Variants in SNX22 observed in about 807,000 individuals in gnomAD.
SNX22 encodes the protein sorting nexin 22, also known as sorting nexin-22.
SNX22 carries 23 observed loss-of-function variants against 24.7 expected under a neutral mutation model. That is an observed-to-expected ratio of 0.93 (90% CI 0.67 to 1.32). The LOEUF is 1.32. Ranked by LOEUF, SNX22 falls within the 40% of genes most tolerant of loss-of-function variation. The pLI is 0.00. For synonymous variants in SNX22, 99 were observed against 104.0 expected, an observed-to-expected ratio of 0.95 and a Z score of 0.29; for missense variants, 261 against 249.9, an observed-to-expected ratio of 1.04 and a Z score of -0.30.
At chr15:64,153,023 G>A (rs2081498586) in intron 3 of SNX22, 5 of 627,170 alleles carry the variant, frequency 8.0e-6, no homozygotes, top group Non-Finnish European at 1.4e-5. Flanking sequence ...ATGGCATGTA[G>A]GGTGAGGGTC....
At chr15:64,153,171 C>G (rs2081499778) in intron 3 of SNX22, 74 bp from the exon 4 acceptor site, 2 of 1,559,996 alleles carry the variant, frequency 1.3e-6, no homozygotes, top group Non-Finnish European at 1.8e-6. Context: ...ACAAAGAGCC[C>G]TGCATTTTCA....
chr15:64,152,072 C>G (rs940401098), intron 1 of SNX22, 171 bp from the exon 2 acceptor site: 1 of 784,970 alleles, frequency 1.3e-6, no homozygotes, highest in Non-Finnish European at 1.9e-6. Flanking sequence ...GCAGGTCCGC[C>G]AGCCGGTTCT....
rs564988457 is a variant in SNX22 at position 64,154,664 on chromosome 15, C to G, written c.*156C>G. The stretch of plus-strand genomic sequence containing the variant: ...CCCACTCAAGGCTCAGAACTTGGCT[C>G]GCATTGGTAGCTGGAGGTGGTAGAA... On this transcript the variant is annotated 3_prime_UTR_variant, in exon 7 of 7. Coordinates refer to ENST00000325881, the MANE Select transcript of SNX22 (RefSeq NM_024798.3). 1 of 964,776 alleles carries G rather than the reference C, an allele frequency of 1.0e-6. No individual in the cohort carries two copies. The highest frequency in any genetic ancestry group is 1.6e-5 in the African/African-American group (1 of 60,834). 59.8% of individuals were successfully genotyped at this position (964,776 alleles called of 1,614,324 possible).
At position 64,152,271 on chromosome 15, in the gene SNX22, G is replaced by A; in HGVS notation, c.104G>A (p.Gly35Glu). 1 of 1,483,700 alleles carries A rather than the reference G, an allele frequency of 6.7e-7. No individual in the cohort carries two copies. Among genetic ancestry groups the A allele is most frequent in the East Asian group, 2.7e-5 (1 of 36,896 alleles). The allele number at this position is 1,483,700 out of a possible 1,614,324, so 91.9% of individuals were successfully genotyped here. Residue 35 changes from glycine to glutamate, a missense_variant, in exon 2 of 7, where the codon GGG (glycine) becomes GAG (glutamate). Gly to Glu is a moderately conservative substitution (Grantham distance 98). Transcript: ENST00000325881. ...TTCCGAGTGGAGGTGCTGTGCAGCG[G>A]GCGCAGACACACGGTGCCAAGGCGC... ...MVFRVEVLCSGRRHTVPRRYS... is the reference protein window; with the variant it reads ...MVFRVEVLCSERRHTVPRRYS...
rs2081531614 is a variant in SNX22, at chr15:64,156,381, G to A, written c.*1873G>A. On this transcript the variant is annotated 3_prime_UTR_variant, in exon 7 of 7. Transcript: ENST00000325881. This position sits in a 1 kb window ranked among gnomAD's most constrained non-coding sequence, Gnocchi z 6.4. Reference sequence around the variant, plus strand: ...GTAAGACCCAGGTTGGGCCAAGGGTGAGGAGGAGGAAGAGGGTGACCAGGG... The same window carrying A: ...GTAAGACCCAGGTTGGGCCAAGGGTAAGGAGGAGGAAGAGGGTGACCAGGG... The A allele has an allele frequency of 6.2e-6, 4 of 650,088 alleles. No individual in the cohort carries two copies. Among genetic ancestry groups the A allele is most frequent in the South Asian group, 1.8e-5 (1 of 55,388 alleles). The allele number at this position is 650,088 out of a possible 1,614,324, so 40.3% of individuals were successfully genotyped here.
At position 64,156,076 on chromosome 15, in the gene SNX22, C is replaced by T. The variant is rs1408318644; in HGVS notation, c.*1568C>T. ...TCCACCTCGATCTTGCCGCAGTCTG[C>T]GATGATCACATCCTTCAGGGGTTTA... On this transcript the variant is annotated 3_prime_UTR_variant, in exon 7 of 7. Coordinates refer to ENST00000325881, the MANE Select transcript of SNX22 (RefSeq NM_024798.3). This position sits in a 1 kb window ranked among gnomAD's most constrained non-coding sequence, Gnocchi z 6.4. The T allele has an allele frequency of 6.2e-6, 10 of 1,614,052 alleles. No individual in the cohort carries two copies. Among genetic ancestry groups the T allele is most frequent in the South Asian group, 1.1e-5 (1 of 91,080 alleles).
At chr15:64,154,204 ACTT>A (rs2081509718) in intron 6 of SNX22, 180 bp from the exon 7 acceptor site, 1 of 1,575,256 alleles carries the variant, frequency 6.3e-7, no homozygotes, top group Admixed American at 1.9e-5. Context: ...CAGCAGCCTG[ACTT>A]CTTTACCAAG....
rs761972288 is a variant in SNX22 at position 64,156,718 on chromosome 15, A to G, written c.*2210A>G. ...GCCCAGTAGTAGCCCTTGCTTCCAC[A>G]ACTCACCATGCCCTCTAGAACTTTG... is the stretch of plus-strand genomic sequence containing the variant. On this transcript the variant is annotated 3_prime_UTR_variant, in exon 7 of 7. Transcript: ENST00000325881. The surrounding 1 kb of genome is among the most constrained non-coding windows in gnomAD (Gnocchi z 6.4). The G allele has an allele frequency of 1.2e-6, 2 of 1,614,138 alleles. No homozygotes were observed. Among genetic ancestry groups the G allele is most frequent in the South Asian group, 2.2e-5 (2 of 91,074 alleles).
chr15:64,156,904 T>A lies in SNX22; in HGVS notation c.*2396T>A. ...TCGGGGAAGCGCTCACCGTAGATGC[T>A]CTTTCCTGGGAAAAAAGACAGAGCA... On this transcript the variant is annotated 3_prime_UTR_variant, in exon 7 of 7. Coordinates refer to ENST00000325881, the MANE Select transcript of SNX22 (RefSeq NM_024798.3). The surrounding 1 kb of genome is among the most constrained non-coding windows in gnomAD (Gnocchi z 6.4). The A allele has an allele frequency of 6.2e-7, 1 of 1,614,054 alleles. No individual in the cohort carries two copies. Among genetic ancestry groups the A allele is most frequent in the Non-Finnish European group, 8.5e-7 (1 of 1,179,964 alleles).
intron 1 of SNX22, 50 bp downstream of exon 1, chr15:64,151,900 C>T (rs1016499537): frequency 1.3e-6 from 2 of 1,493,780 alleles, no homozygotes; most frequent in Non-Finnish European, 1.8e-6. Flanking sequence ...GCAGGATTTC[C>T]CCGCGCTGCG....
chr15:64,156,248 T>C lies in SNX22; in HGVS notation c.*1740T>C. The C allele has an allele frequency of 6.9e-7, 1 of 1,458,622 alleles. No homozygotes were observed. 90.4% of individuals were successfully genotyped at this position (1,458,622 alleles called of 1,614,324 possible). A position where few individuals can be genotyped will look rare whatever the true frequency, so the allele number is the denominator to read the frequency against. On this transcript the variant is annotated 3_prime_UTR_variant, in exon 7 of 7. Transcript: ENST00000325881. This position sits in a 1 kb window ranked among gnomAD's most constrained non-coding sequence, Gnocchi z 6.4. ...GCTCAGGAGGGCTAAGACCCACAAG[T>C]GATCAACAGCACACAAAACTGGAGG... is the stretch of plus-strand genomic sequence containing the variant.
intron 6 of SNX22, 134 bp from the exon 7 acceptor site, chr15:64,154,253 G>C (rs776567165): frequency 1.9e-6 from 3 of 1,578,342 alleles, no homozygotes; most frequent in Non-Finnish European, 2.6e-6. Flanking sequence ...GAATGCGGAG[G>C]CTTCATTTGG....
In SNX22 at chr15:64,156,302, G is replaced by C; in HGVS notation, c.*1794G>C. 4.1e-6 allele frequency: 4 copies of C among 966,172 alleles called. No individual in the cohort carries two copies. The South Asian group carries it at 5.6e-5, about 13-fold the overall frequency. The allele number at this position is 966,172 out of a possible 1,614,324, so 59.8% of individuals were successfully genotyped here. On this transcript the variant is annotated 3_prime_UTR_variant, in exon 7 of 7. Transcript: ENST00000325881. The surrounding 1 kb of genome is among the most constrained non-coding windows in gnomAD (Gnocchi z 6.4). Reference sequence around the variant, plus strand: ...CAAAATTCTAACAGACTCCTGGCCAGAGCAGGGAGAATGCAGATTTGACGA... The same window carrying C: ...CAAAATTCTAACAGACTCCTGGCCACAGCAGGGAGAATGCAGATTTGACGA...
Position 64,157,099 on chromosome 15 carries a change from T to TGG in SNX22, c.*2594_*2595dup. ...CCAAGCCATGCTGACTGAGGCCAAG[T>TGG]GGGGCATCAGGCCAGGCTGATGTGG... On this transcript the variant is annotated 3_prime_UTR_variant, in exon 7 of 7. Transcript: ENST00000325881. The surrounding 1 kb of genome is among the most constrained non-coding windows in gnomAD (Gnocchi z 4.2). 1 of 624,712 alleles carries TGG rather than the reference T, an allele frequency of 1.6e-6. No individual in the cohort carries two copies. Among genetic ancestry groups the TGG allele is most frequent in the Non-Finnish European group, 2.8e-6 (1 of 358,444 alleles). 38.7% of individuals were successfully genotyped at this position (624,712 alleles called of 1,614,324 possible).
At position 64,156,716 on chromosome 15, in the gene SNX22, A is replaced by G; in HGVS notation, c.*2208A>G. On this transcript the variant is annotated 3_prime_UTR_variant, in exon 7 of 7. Transcript: ENST00000325881. The surrounding 1 kb of genome is among the most constrained non-coding windows in gnomAD (Gnocchi z 6.4). Reference sequence around the variant, plus strand: ...TTGCCCAGTAGTAGCCCTTGCTTCCACAACTCACCATGCCCTCTAGAACTT... The same window carrying G: ...TTGCCCAGTAGTAGCCCTTGCTTCCGCAACTCACCATGCCCTCTAGAACTT... The G allele has an allele frequency of 6.2e-7, 1 of 1,614,144 alleles. No individual in the cohort carries two copies. The highest frequency in any genetic ancestry group is 8.5e-7 in the Non-Finnish European group (1 of 1,180,012).
Position 64,156,540 on chromosome 15 carries a change from GC to G in SNX22, c.*2033del. ...GCCTTCCTGGCTGGGCTCTGAGGGG[GC>G]TGGAAGAATTTAGAACCTTGGAGGC... On this transcript the variant is annotated 3_prime_UTR_variant, in exon 7 of 7. Transcript: ENST00000325881. This position sits in a 1 kb window ranked among gnomAD's most constrained non-coding sequence, Gnocchi z 6.4. 1.3e-6 allele frequency: 1 copy of G among 783,202 alleles called. No individual in the cohort carries two copies. The highest frequency in any genetic ancestry group is 2.2e-6 in the Non-Finnish European group (1 of 463,914). 48.5% of individuals were successfully genotyped at this position (783,202 alleles called of 1,614,324 possible). A position where few individuals can be genotyped will look rare whatever the true frequency, so the allele number is the denominator to read the frequency against.
At chr15:64,151,877 G>T (rs371734956) in intron 1 of SNX22, 27 bp downstream of exon 1, 109 of 1,519,474 alleles carry the variant, frequency 7.2e-5, no homozygotes, top group Non-Finnish European at 9.1e-5. Flanking sequence ...GATGGGGAGG[G>T]GCGCCGGGAC....
rs144984080 is a variant in SNX22, at chr15:64,154,401, G to C, written c.475G>C (p.Val159Leu). The stretch of plus-strand genomic sequence containing the variant: ...CTATCCCACAGAGTCGCTGCCCAAC[G>C]TGGTGGTGAATGGTGTGCTCCAGGG... ...CNPSPESLPN[V>L]VVNGVLQGLY... The change falls in exon 7 of 7, where the codon GTG (valine) becomes CTG (leucine). Residue 159 changes from valine to leucine, a missense_variant. Transcript: ENST00000325881. 1.2e-6 allele frequency: 2 copies of C among 1,614,058 alleles called. No individual in the cohort carries two copies. Among genetic ancestry groups the C allele is most frequent in the Admixed American group, 1.7e-5 (1 of 60,010 alleles).
intron 6 of SNX22, 109 bp downstream of exon 6, chr15:64,154,111 C>G (rs757336502): frequency 6.2e-7 from 1 of 1,609,546 alleles, no homozygotes; most frequent in Non-Finnish European, 8.5e-7. Flanking sequence ...ACCTCTGGAG[C>G]CACTACCTCC....
Sources: gnomAD v4.1 joint callset for allele counts on GRCh38, gnomAD v4.1.1 for gene constraint, Gnocchi (gnomAD v3.1) non-coding constraint, MANE v1.5 for transcripts, NCBI Gene and HGNC (gene_info 2026-07-23, HGNC 2026-07-21) for gene names.